The following PTPRN2 variants were observed in gnomAD, a reference collection of about 807,000 sequenced individuals.
PTPRN2 encodes the protein receptor-type tyrosine-protein phosphatase N2.
In PTPRN2, 74 loss-of-function variants were observed where a neutral mutation model predicts 118.8. That is an observed-to-expected ratio of 0.62 (90% CI 0.52 to 0.76). PTPRN2 has a LOEUF of 0.76. PTPRN2 is among the 30% of genes least tolerant of loss of function. PTPRN2 has a pLI of 0.00. For synonymous variants in PTPRN2, 641 were observed against 608.0 expected (o/e 1.05, Z -0.80); for missense variants, 1,481 against 1,394.4 (o/e 1.06, Z -0.99).
Position 157,893,921 on chromosome 7 carries a change from A to G in PTPRN2, c.1788+4752T>C, listed in dbSNP as rs1364430178. On this transcript the variant is annotated intron_variant, in intron 12 of 22. Transcript: ENST00000389418. This position sits in a 1 kb window ranked among gnomAD's most constrained non-coding sequence, Gnocchi z 4.0. ...ACAGAGATGGCCGTCGCGCCCAGTGAGAGCAGAAAGCAATGCAGGGGACGG... is the reference window on the plus strand; with the variant it reads ...ACAGAGATGGCCGTCGCGCCCAGTGGGAGCAGAAAGCAATGCAGGGGACGG... Among the ~76,000 whole-genome samples, 5 of 152,278 alleles carry G rather than the reference A, an allele frequency of 3.3e-5. No homozygotes were observed. In the East Asian group the frequency reaches 9.7e-4, roughly 29 times the overall value.
chr7:158,566,568 C>A (rs1827685786), intron 1 of PTPRN2, among the ~76,000 whole-genome samples: 1 of 152,260 alleles, frequency 6.6e-6, no homozygotes, highest in Admixed American at 6.5e-5. Context: ...GCCCTGGACA[C>A]TTGAAACTGA....
chr7:158,372,251 AGTGCTGGTCCCCAGAGCTG>A (rs1810078768), intron 2 of PTPRN2, among the ~76,000 whole-genome samples: 14 of 130,554 alleles, frequency 1.1e-4, no homozygotes, highest in African/African-American at 3.6e-4. Flanking sequence ...TGGCCTCCCC[AGTGCTGGTCCCCAGAGCTG>A]ATCCCCCCAA....
At chr7:158,125,955 C>T (rs984066500) in intron 9 of PTPRN2, among the ~76,000 whole-genome samples, 5 of 152,166 alleles carry the variant, frequency 3.3e-5, no homozygotes, top group East Asian at 1.9e-4. Flanking sequence ...GGCTCCTGAG[C>T]GGTGAGGCCT....
rs1227100905 is a variant in PTPRN2, at chr7:157,851,085, C to T, written c.1788+47588G>A. Among the ~76,000 whole-genome samples, 11 of 152,294 alleles carry T rather than the reference C, an allele frequency of 7.2e-5. No homozygotes were observed. In the East Asian group the frequency reaches 1.7e-3, roughly 24 times the overall value. The stretch of plus-strand genomic sequence containing the variant: ...CCTTCTGTCCCATGGCCCCGCACAC[C>T]GGACTCACCCAGCCTCCAGCCGCTC... On this transcript the variant is annotated intron_variant, in intron 12 of 22. Transcript: ENST00000389418.
chr7:157,964,817 T>A lies in PTPRN2; in HGVS notation c.1724-66080A>T, dbSNP rs1801800063. 6.6e-6 allele frequency among the ~76,000 whole-genome samples: 1 copy of A among 152,244 alleles called. No homozygotes were observed. Among genetic ancestry groups the A allele is most frequent in the African/African-American group, 2.4e-5 (1 of 41,472 alleles). On this transcript the variant is annotated intron_variant, in intron 11 of 22. Transcript: ENST00000389418. This position sits in a 1 kb window ranked among gnomAD's most constrained non-coding sequence, Gnocchi z 9.0. ...TCAACCCTGGCTGATCCCCATGGCC[T>A]GTTCTTTCGACGATCCTCCTCTTGC...
intron 22 of PTPRN2, among the ~76,000 whole-genome samples, chr7:157,547,807 AAG>A (rs1411202058): frequency 2.0e-5 from 3 of 152,188 alleles, no homozygotes; most frequent in Non-Finnish European, 4.4e-5. Context: ...ACGCCTAGAC[AAG>A]AGACGTTCCA....
In PTPRN2 at chr7:157,944,246, G is replaced by A. The variant is rs1242026813; in HGVS notation, c.1724-45509C>T. On this transcript the variant is annotated intron_variant, in intron 11 of 22. Transcript: ENST00000389418. The surrounding 1 kb of genome is among the most constrained non-coding windows in gnomAD (Gnocchi z 4.3). ...ATTTGACAAAGATTGAGCATGGTTC[G>A]TCGCGAACGCCAGCCTGCCCCCACG... 6.6e-6 allele frequency among the ~76,000 whole-genome samples: 1 copy of A among 152,096 alleles called. No individual in the cohort carries two copies. The highest frequency in any genetic ancestry group is 2.4e-5 in the African/African-American group (1 of 41,412).
intron 10 of PTPRN2, among the ~76,000 whole-genome samples, chr7:158,108,120 G>T (rs1315084316): frequency 2.0e-5 from 3 of 151,718 alleles, no homozygotes; most frequent in Non-Finnish European, 2.9e-5. Context: ...CAAACCACCT[G>T]CCCACTGCAG....
At chr7:157,576,492 C>T (rs185652894) in intron 19 of PTPRN2, 121 bp downstream of exon 19, 31 of 1,072,208 alleles carry the variant, frequency 2.9e-5, no homozygotes, top group Admixed American at 1.5e-4. Flanking sequence ...TCCCCTCCCC[C>T]CTGCGGCGCC....
At position 158,260,345 on chromosome 7, in the gene PTPRN2, C is replaced by T. The variant is rs542356681; in HGVS notation, c.278-55072G>A. Among the ~76,000 whole-genome samples the T allele has an allele frequency of 2.1e-4, 32 of 152,334 alleles. No individual in the cohort carries two copies. In the South Asian group the frequency reaches 6.6e-3, roughly 32 times the overall value. ...AAAAACACCTTCTCAGCACACAGCT[C>T]AAATGTTATTAAATAATTCCATGGG... On this transcript the variant is annotated intron_variant, in intron 3 of 22. Coordinates refer to ENST00000389418, the MANE Select transcript of PTPRN2 (RefSeq NM_002847.5).
At chr7:158,506,766 G>T (rs867260541) in intron 1 of PTPRN2, among the ~76,000 whole-genome samples, 1 of 151,280 alleles carries the variant, frequency 6.6e-6, no homozygotes, top group African/African-American at 2.4e-5. Flanking sequence ...CAAGGCGGAT[G>T]CCGGGGGCCT....
intron 6 of PTPRN2, among the ~76,000 whole-genome samples, chr7:158,162,032 A>T (rs1427946084): frequency 6.6e-6 from 1 of 152,190 alleles, no homozygotes; most frequent in Non-Finnish European, 1.5e-5. Flanking sequence ...AATGACAACG[A>T]GACACCACCA....
chr7:158,066,516 A>G (rs1300276812), intron 11 of PTPRN2, among the ~76,000 whole-genome samples: 1 of 152,210 alleles, frequency 6.6e-6, no homozygotes, highest in Non-Finnish European at 1.5e-5. Flanking sequence ...TCAAAGGAAC[A>G]CAGCCTTTTC....
intron 5 of PTPRN2, among the ~76,000 whole-genome samples, chr7:158,170,000 T>C (rs1424763317): frequency 2.0e-5 from 3 of 152,182 alleles, no homozygotes; most frequent in Non-Finnish European, 4.4e-5. Context: ...CCATTATCTC[T>C]AAGATATTTT....
rs1426524839 is a variant in PTPRN2 at position 157,672,262 on chromosome 7, C to T, written c.2001+10463G>A. 2.0e-5 allele frequency among the ~76,000 whole-genome samples: 3 copies of T among 152,162 alleles called. No homozygotes were observed. The East Asian group carries it at 5.8e-4, about 29-fold the overall frequency. On this transcript the variant is annotated intron_variant, in intron 13 of 22. Coordinates refer to ENST00000389418, the MANE Select transcript of PTPRN2 (RefSeq NM_002847.5). ...GAAGGGGAGCCTGGAAATCCACCCTCAGAAGAATCAGACACGTTTTCTAGA... is the reference window on the plus strand; with the variant it reads ...GAAGGGGAGCCTGGAAATCCACCCTTAGAAGAATCAGACACGTTTTCTAGA...
At chr7:157,774,469 C>T (rs1803070875) in intron 12 of PTPRN2, among the ~76,000 whole-genome samples, 1 of 152,212 alleles carries the variant, frequency 6.6e-6, no homozygotes, top group Admixed American at 6.5e-5. Context: ...ATTATTCTTC[C>T]CAACCAAGAT....
chr7:158,212,485 T>C (rs1345910696), intron 3 of PTPRN2, among the ~76,000 whole-genome samples: 2 of 152,118 alleles, frequency 1.3e-5, no homozygotes, highest in African/African-American at 4.8e-5. Context: ...TATCAAAATA[T>C]CCCATGTACC....
At chr7:158,077,978 G>C (rs989506161) in intron 11 of PTPRN2, among the ~76,000 whole-genome samples, 4 of 152,082 alleles carry the variant, frequency 2.6e-5, no homozygotes, top group East Asian at 1.9e-4. Context: ...GCCTCCTTGA[G>C]CAAAACCCAC....
chr7:158,051,131 G>A (rs1340267199), intron 11 of PTPRN2, among the ~76,000 whole-genome samples: 1 of 152,250 alleles, frequency 6.6e-6, no homozygotes, highest in East Asian at 1.9e-4. Context: ...GGGGGCATCT[G>A]TTGGGGGTCT....
Sources: allele counts gnomAD v4.1 joint callset (sites outside exome capture counted in the v4.1 genomes callset), GRCh38; gene constraint gnomAD v4.1.1; non-coding constraint Gnocchi (gnomAD v3.1); transcripts MANE v1.5; gene names NCBI Gene and HGNC (gene_info 2026-07-23, HGNC 2026-07-21).